Variants in BAZ1A observed in about 807,000 individuals in gnomAD.
BAZ1A encodes the protein bromodomain adjacent to zinc finger domain 1A.
A neutral mutation model predicts 185.2 loss-of-function variants in BAZ1A; 50 were observed. The observed-to-expected ratio is 0.27, with a 90% CI of 0.22 to 0.34. The LOEUF (loss-of-function observed/expected upper bound fraction) is 0.34, where lower values mean the gene tolerates loss of function less well. BAZ1A is among the 10% of genes least tolerant of loss of function. The pLI, the probability that BAZ1A is intolerant of heterozygous loss-of-function variation, is 1.00. For synonymous variants in BAZ1A, 571 were observed against 615.6 expected (o/e 0.93, Z 1.07); for missense variants, 1,356 against 1,839.9 (o/e 0.74, Z 4.81).
intron 3 of BAZ1A, 80 bp from the exon 4 acceptor site, chr14:34,826,236 T>C (rs1050627570): frequency 1.3e-5 from 19 of 1,450,934 alleles, no homozygotes; most frequent in Non-Finnish European, 1.8e-5. Context: ...CGAATTGTTT[T>C]GAACTAGTTA....
At chr14:34,794,496 G>C (rs1198874696) in intron 11 of BAZ1A, among the ~76,000 whole-genome samples, 1 of 152,162 alleles carries the variant, frequency 6.6e-6, no homozygotes, top group African/African-American at 2.4e-5. Flanking sequence ...AGGGCTAGCA[G>C]TTTCTGCTTC....
chr14:34,773,645 T>C lies in BAZ1A; in HGVS notation c.3079A>G (p.Ile1027Val), dbSNP rs1409631970. 1 of 1,613,406 alleles carries C rather than the reference T, an allele frequency of 6.2e-7. No individual in the cohort carries two copies. The highest frequency in any genetic ancestry group is 1.3e-5 in the African/African-American group (1 of 74,922). Residue 1027 changes from isoleucine (I) to valine (V), a missense_variant, in exon 20 of 27, where the codon ATA (isoleucine) becomes GTA (valine). This residue lies in a region of BAZ1A where 434 missense variants were observed against 561.7 expected (regional missense o/e 0.77). Transcript: ENST00000360310. ...ACGTCTTCATTCACAGTTTTAATTA[T>C]CCCATTTTCCTTGTTTTCCTCACTT... ...LLSEENKENGIIKTVNEDVEE... is the reference protein window; with the variant it reads ...LLSEENKENGVIKTVNEDVEE...
chr14:34,853,894 G>A (rs1327305155), intron 3 of BAZ1A, among the ~76,000 whole-genome samples: 1 of 152,156 alleles, frequency 6.6e-6, no homozygotes, highest in Non-Finnish European at 1.5e-5. Context: ...ACACAAGAAT[G>A]GTCTCTATCT....
intron 3 of BAZ1A, among the ~76,000 whole-genome samples, chr14:34,843,669 T>C (rs1482101249): frequency 3.3e-5 from 5 of 152,196 alleles, no homozygotes; most frequent in Non-Finnish European, 5.9e-5. Context: ...ACAACCACCA[T>C]ATAAATATAG....
At chr14:34,855,241 A>G (rs2042658451) in intron 3 of BAZ1A, among the ~76,000 whole-genome samples, 1 of 152,204 alleles carries the variant, frequency 6.6e-6, no homozygotes. Flanking sequence ...ACAAGTAGCT[A>G]AGTCTCAGCC....
At chr14:34,790,693 G>T (rs903484156) in intron 12 of BAZ1A, among the ~76,000 whole-genome samples, 5 of 151,990 alleles carry the variant, frequency 3.3e-5, no homozygotes, top group African/African-American at 1.2e-4. Flanking sequence ...TCACTATGTC[G>T]CCCAGGCTAA....
At chr14:34,765,453 C>T (rs776791760) in intron 21 of BAZ1A, among the ~76,000 whole-genome samples, 185 bp from the exon 22 acceptor site, 1 of 152,180 alleles carries the variant, frequency 6.6e-6, no homozygotes, top group East Asian at 1.9e-4. Flanking sequence ...AGCCGCATCT[C>T]GTTTATGACA....
At chr14:34,802,186 A>C (rs1359440090) in intron 7 of BAZ1A, among the ~76,000 whole-genome samples, 1 of 152,160 alleles carries the variant, frequency 6.6e-6, no homozygotes, top group African/African-American at 2.4e-5. Flanking sequence ...TATTTCTTCT[A>C]AGAATGTCTC....
rs2042775350 is a variant in BAZ1A at position 34,861,948 on chromosome 14, A to G, written c.392+96T>C. 5.1e-6 allele frequency: 7 copies of G among 1,383,974 alleles called. No individual in the cohort carries two copies. The Admixed American group carries it at 1.2e-4, about 23-fold the overall frequency. The allele number at this position is 1,383,974 out of a possible 1,614,324, so 85.7% of individuals were successfully genotyped here. On this transcript the variant is annotated intron_variant, in intron 3 of 26. Transcript: ENST00000360310. The stretch of plus-strand genomic sequence containing the variant: ...TTAACAGAATAGCTAGAGCATAGTA[A>G]AAGGGAAGATTTCCTTAGGTCACCA...
rs1002728523 is a variant in BAZ1A, at chr14:34,802,892, G to A, written c.823C>T (p.Arg275Ter). Residue 275 changes from arginine (R) to a stop codon, truncating the protein, a stop_gained, in exon 7 of 27, where the codon CGA becomes TGA. Transcript: ENST00000360310. LOFTEE classifies it high-confidence loss of function. ...PTFIFSPANR[R>*]RGRPPKRIHI... ...ATTCGTTTGGGAGGTCTCCCTCTTC[G>A]TCTGTTAGCAGGACTGAAGATAAAT... The A allele has an allele frequency of 6.2e-7, 1 of 1,613,520 alleles. No individual in the cohort carries two copies. The highest frequency in any genetic ancestry group is 8.5e-7 in the Non-Finnish European group (1 of 1,179,528).
chr14:34,808,948 C>T (rs2041890309), intron 5 of BAZ1A, among the ~76,000 whole-genome samples: 1 of 152,142 alleles, frequency 6.6e-6, no homozygotes, highest in Non-Finnish European at 1.5e-5. Flanking sequence ...ATACAGTTAG[C>T]CCTCCATATC....
chr14:34,829,729 C>A (rs1566584732), intron 3 of BAZ1A, among the ~76,000 whole-genome samples: 1 of 152,176 alleles, frequency 6.6e-6, no homozygotes, highest in Non-Finnish European at 1.5e-5. Flanking sequence ...TATCCACCCC[C>A]TTACTAAAAA....
Position 34,785,906 on chromosome 14 carries a change from T to C in BAZ1A, c.1702A>G (p.Asn568Asp). The part of the protein sequence containing the change: ...LASGADVTSA[N>D]AKYRYQKRGG... ...CGTTTTTGATATCTATACTTTGCAT[T>C]TGCTGATGTTACATCAGCACCTGAA... The change falls in exon 14 of 27, where the codon AAT becomes GAT. Residue 568 changes from asparagine to aspartate, a missense_variant. By Grantham distance (23) the Asn-to-Asp change is conservative. Transcript: ENST00000360310. 6.2e-7 allele frequency: 1 copy of C among 1,614,130 alleles called. No individual in the cohort carries two copies.
rs1879603882 is a variant in BAZ1A at position 34,776,345 on chromosome 14, A to G, written c.2407T>C (p.Phe803Leu). Residue 803 changes from phenylalanine (F) to leucine (L), a missense_variant, in exon 18 of 27, where the codon TTT becomes CTT. This residue lies in a region of BAZ1A where 434 missense variants were observed against 561.7 expected (regional missense o/e 0.77). Transcript: ENST00000360310. ...TACATGCGGTCGCGACCCAAGGGAAAGATATTGGTACAGGCTATGGCACTT... is the reference window on the plus strand; with the variant it reads ...TACATGCGGTCGCGACCCAAGGGAAGGATATTGGTACAGGCTATGGCACTT... ...IQSAIACTNIFPLGRDRMYRR... is the reference protein window; with the variant it reads ...IQSAIACTNILPLGRDRMYRR... 1.2e-6 allele frequency: 2 copies of G among 1,614,036 alleles called. No homozygotes were observed. Among genetic ancestry groups the G allele is most frequent in the Non-Finnish European group, 1.7e-6 (2 of 1,180,042 alleles).
intron 4 of BAZ1A, among the ~76,000 whole-genome samples, chr14:34,818,882 C>T (rs980933332): frequency 6.6e-6 from 1 of 152,058 alleles, no homozygotes; most frequent in Non-Finnish European, 1.5e-5. Flanking sequence ...TGGCTCAAGC[C>T]TGTAATACCA....
intron 3 of BAZ1A, among the ~76,000 whole-genome samples, chr14:34,854,636 C>T (rs1232870945): frequency 2.0e-5 from 3 of 152,168 alleles, no homozygotes; most frequent in African/African-American, 7.2e-5. Flanking sequence ...CATACATATA[C>T]ATTTTCATTT....
At chr14:34,828,226 G>A (rs994068832) in intron 3 of BAZ1A, among the ~76,000 whole-genome samples, 6 of 149,528 alleles carry the variant, frequency 4.0e-5, no homozygotes, top group Admixed American at 6.7e-5. Context: ...CCAGGAGGCG[G>A]AGGTTGCTGT....
At chr14:34,772,592 T>C (rs1490788174) in intron 20 of BAZ1A, among the ~76,000 whole-genome samples, 1 of 152,216 alleles carries the variant, frequency 6.6e-6, no homozygotes, top group Admixed American at 6.5e-5. Flanking sequence ...TGGATATAGA[T>C]TCTGATTAGT....
chr14:34,776,600 T>C, intron 17 of BAZ1A, 85 bp from the exon 18 acceptor site: 1 of 1,152,838 alleles, frequency 8.7e-7, no homozygotes, highest in Non-Finnish European at 1.2e-6. Context: ...CCCCAAGTTA[T>C]TAGGTGTTAT....
Sources: gnomAD v4.1 joint callset for allele counts (sites outside exome capture counted in the v4.1 genomes callset) on GRCh38, gnomAD v4.1.1 for gene constraint, gnomAD v4.1.1 regional missense constraint, MANE v1.5 for transcripts, NCBI Gene and HGNC (gene_info 2026-07-23, HGNC 2026-07-21) for gene names.